GRM8: variants seen among roughly 807,000 people sequenced by gnomAD.
GRM8 encodes the protein metabotropic glutamate receptor 8.
Under a neutral mutation model 87.2 loss-of-function variants are expected in GRM8, and 47 were observed. That is an observed-to-expected ratio of 0.54 (90% CI 0.43 to 0.69). The LOEUF (loss-of-function observed/expected upper bound fraction) is 0.69. GRM8 is among the 30% of genes least tolerant of loss of function. The pLI, the probability that GRM8 is intolerant of heterozygous loss-of-function variation, is 0.00. For missense variants in GRM8, 1,019 were observed against 1,139.2 expected (o/e 0.89, Z 1.52); for synonymous variants, 396 against 404.5 (o/e 0.98, Z 0.25).
intron 3 of GRM8, among the ~76,000 whole-genome samples, chr7:126,982,027 T>C (rs1291956177): frequency 1.3e-5 from 2 of 152,134 alleles, no homozygotes; most frequent in Non-Finnish European, 2.9e-5. Context: ...GTTTATTAAG[T>C]AGTATTAACT....
chr7:126,648,110 C>T (rs1803376646), intron 7 of GRM8, among the ~76,000 whole-genome samples: 1 of 152,066 alleles, frequency 6.6e-6, no homozygotes, highest in Non-Finnish European at 1.5e-5. Context: ...GTTTTGGGAC[C>T]TTTGCACAAG....
chr7:127,170,539 A>G (rs1052994543), intron 2 of GRM8, among the ~76,000 whole-genome samples: 2 of 152,234 alleles, frequency 1.3e-5, no homozygotes, highest in Admixed American at 1.3e-4. Context: ...ATGCTTTCAC[A>G]TGCATGTATA....
chr7:126,625,296 T>A (rs1393749733), intron 7 of GRM8, among the ~76,000 whole-genome samples: 1 of 152,162 alleles, frequency 6.6e-6, no homozygotes, highest in Non-Finnish European at 1.5e-5. Context: ...TTCTTCAGAA[T>A]TGCACTGGAT....
At chr7:126,691,277 C>T (rs1321262088) in intron 7 of GRM8, among the ~76,000 whole-genome samples, 1 of 152,164 alleles carries the variant, frequency 6.6e-6, no homozygotes, top group African/African-American at 2.4e-5. Context: ...ATGCACCTGG[C>T]CAGGTTGCGA....
intron 6 of GRM8, among the ~76,000 whole-genome samples, chr7:126,827,023 TG>T (rs1304675128): frequency 6.6e-6 from 1 of 152,208 alleles, no homozygotes; most frequent in Non-Finnish European, 1.5e-5. Flanking sequence ...ATCAGATAGT[TG>T]TAGATATGTG....
intron 5 of GRM8, 150 bp downstream of exon 5, chr7:126,903,822 A>G: frequency 2.8e-6 from 1 of 361,238 alleles, no homozygotes; most frequent in Non-Finnish European, 4.9e-6. Flanking sequence ...TGCTGGTTTA[A>G]ATACTGGTCT....
intron 3 of GRM8, among the ~76,000 whole-genome samples, chr7:126,978,151 T>A (rs1811192763): frequency 6.6e-6 from 1 of 151,036 alleles, no homozygotes; most frequent in Admixed American, 6.6e-5. Flanking sequence ...ATAAATGTAA[T>A]GTATTATAGG....
intron 7 of GRM8, among the ~76,000 whole-genome samples, chr7:126,761,501 CTATCTCT>C (rs1175473751): frequency 1.3e-5 from 2 of 152,114 alleles, no homozygotes; most frequent in Non-Finnish European, 2.9e-5. Context: ...ACTACTGGAA[CTATCTCT>C]TAAACATACC....
At chr7:126,747,590 C>A (rs1304097260) in intron 7 of GRM8, among the ~76,000 whole-genome samples, 12 of 152,032 alleles carry the variant, frequency 7.9e-5, no homozygotes, top group Admixed American at 6.6e-4. Flanking sequence ...GGTTTTAATA[C>A]TATTCATATT....
intron 2 of GRM8, among the ~76,000 whole-genome samples, chr7:127,130,851 T>G (rs566420116): frequency 2.0e-5 from 3 of 152,264 alleles, no homozygotes; most frequent in African/African-American, 7.2e-5. Flanking sequence ...CCTGCTGCCA[T>G]GTAAGACACT....
intron 6 of GRM8, among the ~76,000 whole-genome samples, chr7:126,777,058 GATTA>G (rs903231042): frequency 2.6e-5 from 4 of 152,070 alleles, no homozygotes; most frequent in African/African-American, 9.7e-5. Context: ...TGTCAACCTG[GATTA>G]ATTTTTTCCC....
chr7:127,170,321 C>T (rs117461278), intron 2 of GRM8, among the ~76,000 whole-genome samples: 1,558 of 152,158 alleles, frequency 0.01, 28 homozygotes, highest in Non-Finnish European at 0.012. Context: ...AATCGCCATA[C>T]TCAAAAAATG....
At chr7:126,902,439 A>C in intron 6 of GRM8, 103 bp downstream of exon 6, 2 of 968,486 alleles carry the variant, frequency 2.1e-6, no homozygotes, top group South Asian at 3.6e-5. Flanking sequence ...CAAAAAATAG[A>C]AAATACATTC....
intron 3 of GRM8, among the ~76,000 whole-genome samples, chr7:127,083,722 GC>G (rs1823127792): frequency 6.6e-6 from 1 of 151,586 alleles, no homozygotes; most frequent in Non-Finnish European, 1.5e-5. Flanking sequence ...TGCAAATGCT[GC>G]CCCCCTCTTT....
chr7:126,960,790 CT>C (rs1350071674), intron 3 of GRM8, among the ~76,000 whole-genome samples: 7 of 152,164 alleles, frequency 4.6e-5, no homozygotes, highest in African/African-American at 1.7e-4. Flanking sequence ...CAGGCTATTC[CT>C]GTTTTGAAAG....
chr7:126,590,062 C>T (rs573091327), intron 8 of GRM8, among the ~76,000 whole-genome samples: 1 of 151,308 alleles, frequency 6.6e-6, no homozygotes, highest in South Asian at 2.1e-4. Flanking sequence ...ATTCAGAAGG[C>T]CAATTATTAA....
At chr7:126,690,240 G>A (rs180857221) in intron 7 of GRM8, among the ~76,000 whole-genome samples, 35 of 152,340 alleles carry the variant, frequency 2.3e-4, no homozygotes, top group East Asian at 7.7e-4. Context: ...CGCTCAGCTC[G>A]CGCTACTGGC....
At chr7:126,482,604 G>A (rs1806823322) in intron 9 of GRM8, among the ~76,000 whole-genome samples, 1 of 151,928 alleles carries the variant, frequency 6.6e-6, no homozygotes, top group Non-Finnish European at 1.5e-5. Context: ...CAAAATCACA[G>A]ACACAAAGCA....
chr7:126,731,349 C>T (rs954803473), intron 7 of GRM8, among the ~76,000 whole-genome samples: 3 of 152,118 alleles, frequency 2.0e-5, no homozygotes, highest in Non-Finnish European at 2.9e-5. Context: ...TGCCCTGGAA[C>T]TTGAATCATG....
Sources: allele counts gnomAD v4.1 joint callset (sites outside exome capture counted in the v4.1 genomes callset), GRCh38; gene constraint gnomAD v4.1.1; transcripts MANE v1.5; gene names NCBI Gene and HGNC (gene_info 2026-07-23, HGNC 2026-07-21).